SRPK2: variants seen among roughly 807,000 people sequenced by gnomAD.
The protein encoded by SRPK2 is SRSF protein kinase 2, also known as SFRS protein kinase 2.
In SRPK2, 21 loss-of-function variants were observed where a neutral mutation model predicts 90.8. The observed-to-expected ratio is 0.23, with a 90% confidence interval of 0.16 to 0.33. The LOEUF (loss-of-function observed/expected upper bound fraction) is 0.33. Ranked by LOEUF, SRPK2 falls within the 10% of genes least tolerant of loss-of-function variation. SRPK2 has a pLI of 1.00. For missense variants in SRPK2, 620 were observed against 869.0 expected, an observed-to-expected ratio of 0.71 and a Z score of 3.60; for synonymous variants, 288 against 311.1, an observed-to-expected ratio of 0.93 and a Z score of 0.78.
At chr7:105,279,872 T>G (rs1807030019) in intron 2 of SRPK2, among the ~76,000 whole-genome samples, 1 of 152,344 alleles carries the variant, frequency 6.6e-6, no homozygotes, top group South Asian at 2.1e-4. Context: ...AACTGTGAGC[T>G]GTTACCAAAC....
intron 9 of SRPK2, among the ~76,000 whole-genome samples, chr7:105,144,924 T>A (rs1054620145): frequency 6.6e-6 from 1 of 152,018 alleles, no homozygotes; most frequent in Non-Finnish European, 1.5e-5. Context: ...CTGGCCAACA[T>A]GGTGAAACCC....
intron 2 of SRPK2, chr7:105,244,817 C>G: frequency 2.1e-6 from 2 of 969,998 alleles, no homozygotes; most frequent in Non-Finnish European, 1.7e-6. Context: ...GTACAAGCAG[C>G]ACGCCAAGGA....
At chr7:105,355,812 C>G (rs929630359) in intron 2 of SRPK2, among the ~76,000 whole-genome samples, 3 of 152,096 alleles carry the variant, frequency 2.0e-5, no homozygotes, top group African/African-American at 7.2e-5. Context: ...CTTTGGGAGG[C>G]TGAGGCAAGC....
At chr7:105,221,716 C>A (rs1798121330) in intron 2 of SRPK2, among the ~76,000 whole-genome samples, 1 of 152,142 alleles carries the variant, frequency 6.6e-6, no homozygotes, top group South Asian at 2.1e-4. Context: ...GGCGCCACAT[C>A]CCTCTCCCCA....
In SRPK2 at chr7:105,159,464, A is replaced by C. The variant is rs55671914; in HGVS notation, c.621+1043T>G. Among the ~76,000 whole-genome samples, 51 of 141,648 alleles carry C rather than the reference A, an allele frequency of 3.6e-4. 1 individual carries two copies. Among genetic ancestry groups the C allele is most frequent in the Middle Eastern group, 3.4e-3 (1 of 292 alleles). The allele number at this position is 141,648 out of a possible 152,430, so 92.9% of individuals were successfully genotyped here. On this transcript the variant is annotated intron_variant, in intron 7 of 15. Transcript: ENST00000393651. ...CTCCGTCTCCAAAAAAAAAAAAAAA[A>C]AAAAAAAAACCGTACAAAAGGAAGA...
chr7:105,384,564 G>C (rs1586004415), intron 2 of SRPK2, among the ~76,000 whole-genome samples: 1 of 152,130 alleles, frequency 6.6e-6, no homozygotes, highest in Non-Finnish European at 1.5e-5. Context: ...ATTCAAGTTT[G>C]CCAGTCATCA....
intron 2 of SRPK2, among the ~76,000 whole-genome samples, chr7:105,266,917 A>C (rs940726116): frequency 6.6e-6 from 1 of 152,186 alleles, no homozygotes; most frequent in Non-Finnish European, 1.5e-5. Flanking sequence ...TCTTGTTGTA[A>C]TATATCTACA....
chr7:105,353,792 C>A (rs1035427222), intron 2 of SRPK2, among the ~76,000 whole-genome samples: 1 of 152,146 alleles, frequency 6.6e-6, no homozygotes, highest in Non-Finnish European at 1.5e-5. Flanking sequence ...AAAGACAGGA[C>A]AAACTAAAGA....
chr7:105,141,877 TA>T, intron 11 of SRPK2, 130 bp downstream of exon 11: 6 of 977,570 alleles, frequency 6.1e-6, no homozygotes, highest in Non-Finnish European at 8.9e-6. Context: ...TTCAGGAGTA[TA>T]AAAGTAATAA....
intron 2 of SRPK2, chr7:105,204,839 A>C: frequency 2.1e-6 from 1 of 481,428 alleles, no homozygotes; most frequent in Non-Finnish European, 4.0e-6. Context: ...TTGTCAATGA[A>C]GAGTTCAAAG....
At chr7:105,292,703 T>C (rs1303579114) in intron 2 of SRPK2, among the ~76,000 whole-genome samples, 1 of 152,156 alleles carries the variant, frequency 6.6e-6, no homozygotes, top group East Asian at 1.9e-4. Context: ...AGACAGACTA[T>C]TGCCTTATGT....
chr7:105,366,552 T>C (rs896668932), intron 2 of SRPK2, among the ~76,000 whole-genome samples: 1 of 151,904 alleles, frequency 6.6e-6, no homozygotes, highest in Non-Finnish European at 1.5e-5. Context: ...GTATTTTTAG[T>C]AGAGGCAGAG....
chr7:105,353,609 G>T (rs1355528693), intron 2 of SRPK2, among the ~76,000 whole-genome samples: 1 of 151,894 alleles, frequency 6.6e-6, no homozygotes, highest in African/African-American at 2.4e-5. Context: ...CAAATGATCC[G>T]CCTTCTTTGG....
At chr7:105,371,161 T>G (rs761746631) in intron 2 of SRPK2, among the ~76,000 whole-genome samples, 5 of 151,858 alleles carry the variant, frequency 3.3e-5, no homozygotes, top group Non-Finnish European at 1.5e-5. Flanking sequence ...CCCAGCACTC[T>G]GGGAGCCCAA....
intron 2 of SRPK2, among the ~76,000 whole-genome samples, chr7:105,368,913 G>T (rs1819388557): frequency 6.8e-6 from 1 of 146,506 alleles, no homozygotes; most frequent in Non-Finnish European, 1.5e-5. Flanking sequence ...AAAGACTCAG[G>T]CTCCTTCAGT....
At chr7:105,334,467 C>G (rs943401044) in intron 2 of SRPK2, among the ~76,000 whole-genome samples, 1 of 152,128 alleles carries the variant, frequency 6.6e-6, no homozygotes, top group South Asian at 2.1e-4. Context: ...ATGATCCACC[C>G]GCCTTAGTCT....
intron 7 of SRPK2, among the ~76,000 whole-genome samples, chr7:105,152,441 T>C (rs964661904): frequency 6.6e-6 from 1 of 152,192 alleles, no homozygotes; most frequent in African/African-American, 2.4e-5. Context: ...TGAGCCACCA[T>C]GCCTGGCCAG....
intron 2 of SRPK2, among the ~76,000 whole-genome samples, chr7:105,323,965 CTTTGTGTGTGTG>C (rs1813230429): frequency 3.6e-5 from 4 of 110,470 alleles, no homozygotes; most frequent in African/African-American, 1.4e-4. Context: ...TCAGACTATT[CTTTGTGTGTGTG>C]TGTGTGTGTG....
At chr7:105,232,720 A>T (rs55923692) in intron 2 of SRPK2, among the ~76,000 whole-genome samples, 1,040 of 71,112 alleles carry the variant, frequency 0.015, 10 homozygotes, top group African/African-American at 0.035. Flanking sequence ...ATAATAATAA[A>T]AAAAAAAAAG....
Sources: allele counts gnomAD v4.1 joint callset (sites outside exome capture counted in the v4.1 genomes callset), GRCh38; gene constraint gnomAD v4.1.1; transcripts MANE v1.5; gene names NCBI Gene and HGNC (gene_info 2026-07-23, HGNC 2026-07-21).